The following VEPH1 variants were observed in gnomAD, a reference collection of about 807,000 sequenced individuals.
VEPH1 encodes the protein ventricular zone-expressed PH domain-containing protein homolog 1.
Under a neutral mutation model 85.2 loss-of-function variants are expected in VEPH1, and 80 were observed. The observed-to-expected ratio is 0.94, with a 90% CI of 0.78 to 1.13. VEPH1 has a LOEUF of 1.13. Among genes scored for constraint, VEPH1 ranks in the 50% most tolerant of loss-of-function variants. The pLI, the probability that VEPH1 is intolerant of heterozygous loss-of-function variation, is 0.00. For synonymous variants in VEPH1, 297 were observed against 348.0 expected, an observed-to-expected ratio of 0.85 and a Z score of 1.63; for missense variants, 955 against 980.5, an observed-to-expected ratio of 0.97 and a Z score of 0.35.
At chr3:157,349,242 A>G (rs78630900) in intron 9 of VEPH1, among the ~76,000 whole-genome samples, 1,660 of 152,374 alleles carry the variant, frequency 0.011, 32 homozygotes, top group African/African-American at 0.037. Context: ...GCAAATCAAT[A>G]AATGTCATAA....
At chr3:157,472,201 A>G (rs1737026936) in intron 2 of VEPH1, among the ~76,000 whole-genome samples, 1 of 152,226 alleles carries the variant, frequency 6.6e-6, no homozygotes, top group African/African-American at 2.4e-5. Flanking sequence ...CAAAATTTGA[A>G]TAAAAATCAT....
At chr3:157,411,586 G>C (rs1000216420) in intron 6 of VEPH1, among the ~76,000 whole-genome samples, 2 of 152,112 alleles carry the variant, frequency 1.3e-5, no homozygotes, top group Admixed American at 6.5e-5. Flanking sequence ...TGACTTAGTA[G>C]GCATTCTATG....
intron 7 of VEPH1, among the ~76,000 whole-genome samples, chr3:157,369,011 C>T (rs58811330): frequency 6.6e-6 from 1 of 151,644 alleles, no homozygotes; most frequent in East Asian, 1.9e-4. Context: ...CCCATCTGGT[C>T]TGGCACAGTG....
At chr3:157,444,845 T>G (rs531082584) in intron 4 of VEPH1, among the ~76,000 whole-genome samples, 2 of 152,192 alleles carry the variant, frequency 1.3e-5, no homozygotes, top group Non-Finnish European at 2.9e-5. Flanking sequence ...AAATAATACT[T>G]GGGTTAAAAA....
intron 6 of VEPH1, among the ~76,000 whole-genome samples, chr3:157,385,280 T>A (rs2108885773): frequency 6.6e-6 from 1 of 151,794 alleles, no homozygotes; most frequent in South Asian, 2.1e-4. Flanking sequence ...TTTTCCTACA[T>A]CTCATTCATC....
chr3:157,433,893 G>T (rs954445760), intron 4 of VEPH1, among the ~76,000 whole-genome samples: 13 of 152,066 alleles, frequency 8.5e-5, no homozygotes, highest in African/African-American at 2.9e-4. Flanking sequence ...AAGTTATGTA[G>T]TTTAAGTTTC....
intron 5 of VEPH1, among the ~76,000 whole-genome samples, chr3:157,415,940 C>T (rs79452854): frequency 0.011 from 1,673 of 152,130 alleles, 36 homozygotes; most frequent in African/African-American, 0.038. Flanking sequence ...TCTATAGTGC[C>T]CTTGTGGAAG....
At chr3:157,341,471 G>C (rs1723552948) in intron 9 of VEPH1, among the ~76,000 whole-genome samples, 1 of 152,128 alleles carries the variant, frequency 6.6e-6, no homozygotes. Flanking sequence ...GAGAAGTTTA[G>C]AGAAAAAAGG....
Position 157,470,302 on chromosome 3 carries a change from A to C in VEPH1, c.354+12T>G. 1 of 1,613,734 alleles carries C rather than the reference A, an allele frequency of 6.2e-7. No individual in the cohort carries two copies. Among genetic ancestry groups the C allele is most frequent in the Non-Finnish European group, 8.5e-7 (1 of 1,179,714 alleles). On this transcript the variant is annotated intron_variant, in intron 3 of 13. Transcript: ENST00000362010. The stretch of plus-strand genomic sequence containing the variant: ...TCAGTATCAAATAGCCTGATGTTGA[A>C]CACTGACATACCTGTAAAATGCAAC...
intron 9 of VEPH1, among the ~76,000 whole-genome samples, chr3:157,343,957 G>T (rs60385066): frequency 0.03 from 4,623 of 152,104 alleles, 246 homozygotes; most frequent in African/African-American, 0.11. Flanking sequence ...TGCAGAAAAG[G>T]CCTTCAACAA....
intron 7 of VEPH1, among the ~76,000 whole-genome samples, chr3:157,375,645 G>T (rs1360964532): frequency 1.3e-5 from 2 of 152,052 alleles, no homozygotes; most frequent in Non-Finnish European, 2.9e-5. Flanking sequence ...ATATAGTTGA[G>T]TTACCCTATT....
intron 4 of VEPH1, among the ~76,000 whole-genome samples, chr3:157,450,394 T>G (rs1468190427): frequency 6.6e-6 from 1 of 152,066 alleles, no homozygotes; most frequent in Non-Finnish European, 1.5e-5. Context: ...AATTATCACA[T>G]TTTTCTAGAG....
intron 4 of VEPH1, among the ~76,000 whole-genome samples, chr3:157,435,588 A>G (rs971888849): frequency 6.6e-6 from 1 of 152,142 alleles, no homozygotes; most frequent in Non-Finnish European, 1.5e-5. Flanking sequence ...TTGCTTCCAC[A>G]TGGTCATCAA....
chr3:157,348,087 C>T (rs1279267098), intron 9 of VEPH1, among the ~76,000 whole-genome samples: 2 of 152,144 alleles, frequency 1.3e-5, no homozygotes, highest in African/African-American at 4.8e-5. Context: ...TCTGGTCTTG[C>T]GTAGCAGGGA....
chr3:157,436,074 C>T (rs1412666840), intron 4 of VEPH1, among the ~76,000 whole-genome samples: 3 of 151,974 alleles, frequency 2.0e-5, no homozygotes, highest in Non-Finnish European at 4.4e-5. Context: ...GTCAGGAGTT[C>T]GAGACCAGCC....
chr3:157,404,514 T>G (rs1350169390), intron 6 of VEPH1, among the ~76,000 whole-genome samples: 1 of 152,130 alleles, frequency 6.6e-6, no homozygotes, highest in Non-Finnish European at 1.5e-5. Flanking sequence ...GTGCAAATCA[T>G]TTATTTGAAA....
At chr3:157,389,346 A>G (rs1027461585) in intron 6 of VEPH1, among the ~76,000 whole-genome samples, 3 of 152,172 alleles carry the variant, frequency 2.0e-5, no homozygotes, top group Non-Finnish European at 4.4e-5. Flanking sequence ...CAAACAAAAA[A>G]AAGCATGAAG....
intron 3 of VEPH1, among the ~76,000 whole-genome samples, chr3:157,463,979 C>T (rs1239496104): frequency 6.6e-6 from 1 of 152,154 alleles, no homozygotes; most frequent in African/African-American, 2.4e-5. Context: ...TTCATCAGAT[C>T]CAGTATTTTT....
chr3:157,285,688 C>T (rs1716680866), intron 12 of VEPH1, among the ~76,000 whole-genome samples: 1 of 152,190 alleles, frequency 6.6e-6, no homozygotes, highest in Non-Finnish European at 1.5e-5. Context: ...AAATATTTCA[C>T]TTCCAATGAC....
Sources: gnomAD v4.1 joint callset for allele counts (sites outside exome capture counted in the v4.1 genomes callset) on GRCh38, gnomAD v4.1.1 for gene constraint, MANE v1.5 for transcripts, NCBI Gene and HGNC (gene_info 2026-07-23, HGNC 2026-07-21) for gene names.